RYR2: variants seen among roughly 807,000 people sequenced by gnomAD.
The protein encoded by RYR2 is cardiac muscle ryanodine receptor-calcium release channel.
Under a neutral mutation model 601.1 loss-of-function variants are expected in RYR2, and 227 were observed. The ratio of observed to expected loss-of-function variants is 0.38; its 90% CI spans 0.34 to 0.42. The LOEUF (loss-of-function observed/expected upper bound fraction) is 0.42, where lower values mean the gene tolerates loss of function less well. RYR2 is among the 10% of genes least tolerant of loss of function. The pLI, the probability that RYR2 is intolerant of heterozygous loss-of-function variation, is 1.00. For synonymous variants in RYR2, 2,223 were observed against 2,175.1 expected (o/e 1.02, Z -0.61); for missense variants, 4,646 against 6,156.5 (o/e 0.75, Z 8.21).
At chr1:237,112,893 C>T (rs1487258395) in intron 1 of RYR2, among the ~76,000 whole-genome samples, 2 of 152,124 alleles carry the variant, frequency 1.3e-5, no homozygotes, top group Non-Finnish European at 2.9e-5. Flanking sequence ...TCCTGTATCT[C>T]GGTTGTTTGC....
At chr1:237,353,365 C>T (rs1460038166) in intron 3 of RYR2, among the ~76,000 whole-genome samples, 3 of 151,722 alleles carry the variant, frequency 2.0e-5, no homozygotes, top group African/African-American at 7.3e-5. Context: ...AAAAATTAGC[C>T]GGGTGTGGTG....
At chr1:237,271,280 C>T (rs975245833) in intron 2 of RYR2, among the ~76,000 whole-genome samples, 6 of 152,134 alleles carry the variant, frequency 3.9e-5, no homozygotes, top group African/African-American at 1.4e-4. Flanking sequence ...AAATCAAAGG[C>T]AGAACTAACT....
At chr1:237,285,941 G>T (rs571010743) in intron 2 of RYR2, among the ~76,000 whole-genome samples, 3 of 152,108 alleles carry the variant, frequency 2.0e-5, no homozygotes, top group East Asian at 3.9e-4. Context: ...TCTTGCCAAT[G>T]GTCTATCAAT....
At chr1:237,515,398 C>T (rs146631819) in intron 24 of RYR2, among the ~76,000 whole-genome samples, 22 of 152,204 alleles carry the variant, frequency 1.4e-4, no homozygotes, top group Middle Eastern at 6.8e-3. Flanking sequence ...TGATATTTTT[C>T]CTCCTAGCCA....
intron 1 of RYR2, among the ~76,000 whole-genome samples, chr1:237,196,216 A>G (rs192125815): frequency 2.5e-3 from 379 of 152,312 alleles, no homozygotes; most frequent in Middle Eastern, 0.01. Context: ...TTTAACTACA[A>G]TAAATATATT....
intron 24 of RYR2, among the ~76,000 whole-genome samples, chr1:237,523,701 T>C (rs2779354): frequency 0.5 from 75,094 of 150,502 alleles, 18,900 homozygotes; most frequent in East Asian, 0.58. Flanking sequence ...TATGCCACTG[T>C]CCTCCTGCCT....
At position 237,784,453 on chromosome 1, in the gene RYR2, G is replaced by T; in HGVS notation, c.12741G>T (p.Ala4247=). ...TGACGGTCAGGTCGGCCCTGTTTGC[G>T]CTCAGGTACAATATCTTGACCCTTA... The part of the protein sequence containing the change: ...SILTVRSALF[A]LRYNILTLMR... The change falls in exon 90 of 105, where the codon GCG becomes GCT. Residue 4247 remains alanine, a synonymous_variant. Coordinates refer to ENST00000366574, the MANE Select transcript of RYR2 (RefSeq NM_001035.3). This position sits in a 1 kb window ranked among gnomAD's most constrained non-coding sequence, Gnocchi z 7.1. 6.2e-7 allele frequency: 1 copy of T among 1,613,578 alleles called. No homozygotes were observed. The highest frequency in any genetic ancestry group is 1.1e-5 in the South Asian group (1 of 91,036).
At chr1:237,208,127 A>C (rs1048906736) in intron 1 of RYR2, among the ~76,000 whole-genome samples, 6 of 152,244 alleles carry the variant, frequency 3.9e-5, no homozygotes, top group Non-Finnish European at 8.8e-5. Flanking sequence ...GCACCGGCAC[A>C]CCATATGCAT....
chr1:237,585,111 A>G (rs909402821), intron 29 of RYR2, among the ~76,000 whole-genome samples: 2 of 152,138 alleles, frequency 1.3e-5, no homozygotes, highest in African/African-American at 4.8e-5. Context: ...CTGCTTTTGC[A>G]CTATAGCTCA....
At chr1:237,592,834 A>G (rs780132309) in intron 32 of RYR2, among the ~76,000 whole-genome samples, 3 of 151,882 alleles carry the variant, frequency 2.0e-5, no homozygotes, top group Non-Finnish European at 4.4e-5. Context: ...CAGCCTGGCT[A>G]ACATGGTGAA....
chr1:237,511,855 A>AAAAAC, intron 24 of RYR2, 64 bp downstream of exon 24: 1 of 980,250 alleles, frequency 1.0e-6, no homozygotes, highest in Non-Finnish European at 1.5e-6. Flanking sequence ...AAAAAAAAAA[A>AAAAAC]AAAACAGGTA....
intron 39 of RYR2, 136 bp downstream of exon 39, chr1:237,624,006 A>G (rs1173913169): frequency 2.9e-5 from 19 of 645,000 alleles, no homozygotes; most frequent in Non-Finnish European, 2.7e-6. Flanking sequence ...AAAAACATTT[A>G]TTATTATGGC....
At position 237,236,080 on chromosome 1, in the gene RYR2, A is replaced by G. The variant is rs577242923; in HGVS notation, c.49-34417A>G. On this transcript the variant is annotated intron_variant, in intron 1 of 104. Transcript: ENST00000366574. ...AATCGTCCATGTATTTTTCAAAACA[A>G]CAGTAACAATAGCAAAATACCAAAA... Among the ~76,000 whole-genome samples, 8 of 152,330 alleles carry G rather than the reference A, an allele frequency of 5.3e-5. 2 individuals are homozygous for G. The South Asian group carries it at 1.5e-3, about 28-fold the overall frequency.
rs535836805 is a variant in RYR2, at chr1:237,705,439, T to C, written c.9580+96T>C. 69 of 975,218 alleles carry C rather than the reference T, an allele frequency of 7.1e-5. 1 individual carries two copies. In the South Asian group the frequency reaches 1.1e-3, roughly 15 times the overall value. The allele number at this position is 975,218 out of a possible 1,614,324, so 60.4% of individuals were successfully genotyped here. ...GTGATTTTTAATGAGCTCTTTCAGT[T>C]TACTATATCCAATCTTGTTTGTTCT... On this transcript the variant is annotated intron_variant, in intron 67 of 104. Coordinates refer to ENST00000366574, the MANE Select transcript of RYR2 (RefSeq NM_001035.3).
intron 70 of RYR2, among the ~76,000 whole-genome samples, chr1:237,709,789 G>A (rs1196495768): frequency 6.6e-6 from 1 of 151,980 alleles, no homozygotes; most frequent in Non-Finnish European, 1.5e-5. Flanking sequence ...CTAAATTTTG[G>A]ACTAATATTG....
intron 62 of RYR2, among the ~76,000 whole-genome samples, chr1:237,686,237 CACATGGATCTTCA>C (rs1686379321): frequency 6.6e-6 from 1 of 152,190 alleles, no homozygotes; most frequent in Non-Finnish European, 1.5e-5. Flanking sequence ...TGGTACTATA[CACATGGATCTTCA>C]AGGTTAGATT....
chr1:237,196,288 G>A (rs6688338), intron 1 of RYR2, among the ~76,000 whole-genome samples: 4,735 of 152,190 alleles, frequency 0.031, 262 homozygotes, highest in African/African-American at 0.11. Context: ...AAACATACTT[G>A]TCTGGCTCTA....
chr1:237,406,806 A>T (rs1703950151), intron 10 of RYR2, among the ~76,000 whole-genome samples: 1 of 152,200 alleles, frequency 6.6e-6, no homozygotes, highest in South Asian at 2.1e-4. Flanking sequence ...TGTTATTAAC[A>T]TCTTGTATTA....
chr1:237,113,131 C>A (rs1276402093), intron 1 of RYR2, among the ~76,000 whole-genome samples: 1 of 151,928 alleles, frequency 6.6e-6, no homozygotes, highest in Admixed American at 6.6e-5. Context: ...AGAAAGGGGG[C>A]TTTTTTCCCC....
Sources: allele counts gnomAD v4.1 joint callset (sites outside exome capture counted in the v4.1 genomes callset), GRCh38; gene constraint gnomAD v4.1.1; non-coding constraint Gnocchi (gnomAD v3.1); transcripts MANE v1.5; gene names NCBI Gene and HGNC (gene_info 2026-07-23, HGNC 2026-07-21).